Variants in TMLHE observed in about 807,000 individuals in gnomAD.
The protein encoded by TMLHE is trimethyllysine dioxygenase, mitochondrial.
A neutral mutation model predicts 25.7 loss-of-function variants in TMLHE; 18 were observed. The ratio of observed to expected loss-of-function variants is 0.70; its 90% CI spans 0.48 to 1.04. TMLHE has a LOEUF of 1.04. TMLHE is among the 50% of genes least tolerant of loss of function. TMLHE has a pLI of 0.00. For synonymous variants in TMLHE, 105 were observed against 97.0 expected (o/e 1.08, Z -0.49); for missense variants, 236 against 259.0 (o/e 0.91, Z 0.61).
intron 5 of TMLHE, among the ~76,000 whole-genome samples, chrX:155,510,949 G>A (rs2067107772): frequency 9.1e-6 from 1 of 109,600 alleles, no homozygotes; most frequent in Admixed American, 9.9e-5. Context: ...ATTCTAACTG[G>A]TGTGAGATGG....
intron 1 of TMLHE, among the ~76,000 whole-genome samples, chrX:155,605,003 G>A (rs1341950905): frequency 1.8e-5 from 2 of 111,607 alleles, no homozygotes; most frequent in Non-Finnish European, 3.8e-5. Context: ...CACAAAGCCA[G>A]AGTGTCTTTT....
At chrX:155,549,849 A>G (rs1331179211) in intron 1 of TMLHE, among the ~76,000 whole-genome samples, 3 of 109,631 alleles carry the variant, frequency 2.7e-5, no homozygotes, top group South Asian at 3.9e-4. Context: ...TACACTAGGT[A>G]TTTCTCCTAA....
intron 3 of TMLHE, among the ~76,000 whole-genome samples, chrX:155,515,587 C>A (rs1187364718): frequency 2.4e-4 from 27 of 111,623 alleles, no homozygotes; most frequent in Admixed American, 1.7e-3. Flanking sequence ...TACTTATCTT[C>A]ATTCCCTCCA....
chrX:155,580,131 C>G (rs1174946685), intron 1 of TMLHE, among the ~76,000 whole-genome samples: 2 of 111,340 alleles, frequency 1.8e-5, no homozygotes, highest in African/African-American at 6.5e-5. Context: ...ACATGAACAA[C>G]TCAACAACAA....
Position 155,489,737 on chromosome X carries a change from C to T in TMLHE, c.*1798G>A, listed in dbSNP as rs1569561781. ...ATTTCAGGGACTCCCCTAAAGATTC[C>T]TATGTAGTACAAATAAAATGCCAAA... On this transcript the variant is annotated 3_prime_UTR_variant, in exon 8 of 8. Transcript: ENST00000334398. 1.8e-4 allele frequency among the ~76,000 whole-genome samples: 1 copy of T among 5,562 alleles called. No homozygotes were observed. 4.8% of individuals were successfully genotyped at this position (5,562 alleles called of 115,157 possible).
At position 155,576,820 on chromosome X, in the gene TMLHE, C is replaced by T. The variant is rs986590294; in HGVS notation, c.-1-31543G>A. On this transcript the variant is annotated intron_variant, in intron 1 of 7. Coordinates refer to ENST00000334398, the MANE Select transcript of TMLHE (RefSeq NM_018196.4). Reference sequence around the variant, plus strand: ...GCTAGCCATATGCAGAAGATTAAAACTGGACCCCTTCCTTATACCATATAC... The same window carrying T: ...GCTAGCCATATGCAGAAGATTAAAATTGGACCCCTTCCTTATACCATATAC... 1.3e-4 allele frequency among the ~76,000 whole-genome samples: 15 copies of T among 112,037 alleles called. No individual in the cohort carries two copies. In the Admixed American group the frequency reaches 1.4e-3, roughly 11 times the overall value.
At chrX:155,548,494 G>C (rs1013565367) in intron 1 of TMLHE, among the ~76,000 whole-genome samples, 1 of 108,711 alleles carries the variant, frequency 9.2e-6, no homozygotes, top group South Asian at 3.7e-4. Context: ...CCAGCACTTT[G>C]GGAGGTCAAG....
At chrX:155,540,942 A>T (rs2067306612) in intron 2 of TMLHE, among the ~76,000 whole-genome samples, 1 of 111,855 alleles carries the variant, frequency 8.9e-6, no homozygotes, top group African/African-American at 3.2e-5. Context: ...GATGTCAGAA[A>T]ATTTGCAGGA....
Position 155,571,918 on chromosome X carries a change from C to G in TMLHE, c.-1-26641G>C, listed in dbSNP as rs1388394891. On this transcript the variant is annotated intron_variant, in intron 1 of 7. Transcript: ENST00000334398. ...AAACTGGAAGCATTCCCTTTGAAAA[C>G]TGGCACAAGACAGGGATGCCCTCTC... is the stretch of plus-strand genomic sequence containing the variant. Among the ~76,000 whole-genome samples, 2 of 54,577 alleles carry G rather than the reference C, an allele frequency of 3.7e-5. 1 individual carries two copies. The highest frequency in any genetic ancestry group is 8.9e-5 in the African/African-American group (2 of 22,462). 47.4% of individuals were successfully genotyped at this position (54,577 alleles called of 115,157 possible). A position where few individuals can be genotyped will look rare whatever the true frequency, so the allele number is the denominator to read the frequency against.
At chrX:155,585,943 G>T (rs1196791460) in intron 1 of TMLHE, among the ~76,000 whole-genome samples, 1 of 111,619 alleles carries the variant, frequency 9.0e-6, no homozygotes, top group African/African-American at 3.3e-5. Context: ...TCGTTATTGG[G>T]CCAGGCACGG....
At chrX:155,547,336 G>C (rs1001182064) in intron 1 of TMLHE, among the ~76,000 whole-genome samples, 1 of 107,005 alleles carries the variant, frequency 9.3e-6, no homozygotes, top group African/African-American at 3.4e-5. Context: ...AGTAGAGACG[G>C]GGTTTCACCG....
At position 155,524,530 on chromosome X, in the gene TMLHE, A is replaced by G. The variant is rs1416501706; in HGVS notation, c.284T>C (p.Leu95Pro). The change falls in exon 3 of 8, where the codon CTG becomes CCG. Residue 95 changes from leucine (L) to proline (P), a missense_variant. By Grantham distance (98) the Leu-to-Pro change is moderately conservative. Transcript: ENST00000334398. ...CYNSKTHQRS[L>P]DTASVDLCIK... ...ACATAAATCCACACTGGCAGTATCC[A>G]GGCTGCGCTGGTGAGTCTTAGAGTT... The G allele has an allele frequency of 8.3e-7, 1 of 1,210,049 alleles. No individual in the cohort carries two copies. The highest frequency in any genetic ancestry group is 1.1e-6 in the Non-Finnish European group (1 of 894,573).
chrX:155,508,291 G>C (rs781793454), intron 5 of TMLHE, among the ~76,000 whole-genome samples: 1 of 111,243 alleles, frequency 9.0e-6, no homozygotes, highest in South Asian at 3.7e-4. Flanking sequence ...CTAAGAAAAA[G>C]TAAAAAGCAA....
intron 3 of TMLHE, 49 bp downstream of exon 3, chrX:155,524,407 T>C (rs1317449644): frequency 7.1e-6 from 7 of 984,288 alleles, no homozygotes; most frequent in Non-Finnish European, 2.6e-6. Context: ...AAAATAACTG[T>C]CCTTCAGAAG....
chrX:155,524,339 A>G, intron 3 of TMLHE, 117 bp downstream of exon 3: 4 of 644,895 alleles, frequency 6.2e-6, no homozygotes, highest in Non-Finnish European at 8.9e-6. Context: ...CTTCCAAAAC[A>G]AGAAAAAAAG....
chrX:155,586,922 A>C (rs1557345379), intron 1 of TMLHE, among the ~76,000 whole-genome samples: 2 of 112,276 alleles, frequency 1.8e-5, no homozygotes, highest in African/African-American at 6.5e-5. Context: ...TCACAGATGA[A>C]TTCTATCAAG....
chrX:155,609,548 A>C (rs782442844), intron 1 of TMLHE, among the ~76,000 whole-genome samples: 8 of 112,250 alleles, frequency 7.1e-5, no homozygotes, highest in Non-Finnish European at 1.5e-4. Context: ...ATAAAAGTAA[A>C]ATAAATAAAA....
Position 155,514,277 on chromosome X carries a change from A to G in TMLHE, c.359-12T>C, listed in dbSNP as rs1557334385. ...ATGACCATCTGGCCCTTTTAAGGGG[A>G]AAAATAAAAGGCACTATAATAATTA... On this transcript the variant is annotated splice_polypyrimidine_tract_variant and intron_variant, in intron 3 of 7. Transcript: ENST00000334398. The G allele has an allele frequency of 1.7e-6, 2 of 1,185,662 alleles. No individual in the cohort carries two copies. The highest frequency in any genetic ancestry group is 3.7e-5 in the South Asian group (2 of 53,803).
At chrX:155,539,223 G>A (rs782604416) in intron 2 of TMLHE, among the ~76,000 whole-genome samples, 2 of 111,583 alleles carry the variant, frequency 1.8e-5, no homozygotes, top group African/African-American at 6.5e-5. Flanking sequence ...TAAAAGATTG[G>A]TTTCTGTCTT....
Sources: allele counts gnomAD v4.1 joint callset (sites outside exome capture counted in the v4.1 genomes callset), GRCh38; gene constraint gnomAD v4.1.1; transcripts MANE v1.5; gene names NCBI Gene and HGNC (gene_info 2026-07-23, HGNC 2026-07-21).